Variants in SATB2 observed in about 807,000 individuals in gnomAD.
SATB2 encodes SATB homeobox 2.
In SATB2, 1 loss-of-function variant was observed where a neutral mutation model predicts 73.4. That is an observed-to-expected ratio of 0.01 (90% CI 0.00 to 0.06). The LOEUF is 0.06. SATB2 is among the 10% of genes least tolerant of loss of function. The pLI is 1.00. For missense variants in SATB2, 459 were observed against 945.8 expected (o/e 0.49, Z 6.75); for synonymous variants, 397 against 367.0 (o/e 1.08, Z -0.93).
intron 2 of SATB2, among the ~76,000 whole-genome samples, chr2:199,454,393 T>C (rs1692214633): frequency 6.6e-6 from 1 of 152,146 alleles, no homozygotes; most frequent in Non-Finnish European, 1.5e-5. Flanking sequence ...TATCTCATAA[T>C]TGGTACCATC....
upstream of SATB2, chr2:199,468,281 T>G (rs1692631345): frequency 6.6e-6 from 1 of 151,662 alleles, no homozygotes; most frequent in African/African-American, 2.4e-5. Flanking sequence ...CTGGGGTGGG[T>G]GGGTCCAGTA....
intron 10 of SATB2, among the ~76,000 whole-genome samples, chr2:199,276,825 T>C (rs1048712125): frequency 5.3e-5 from 8 of 152,144 alleles, no homozygotes; most frequent in African/African-American, 1.9e-4. Context: ...ACTAACGCCA[T>C]GCATACAAAC....
intron 2 of SATB2, among the ~76,000 whole-genome samples, chr2:199,451,139 T>C (rs1002342683): frequency 6.7e-6 from 1 of 148,400 alleles, no homozygotes; most frequent in Non-Finnish European, 1.5e-5. Flanking sequence ...CACACTGCAC[T>C]ACAGATGATC....
Position 199,423,376 on chromosome 2 carries a change from GCCTCCAGGTGTGCTCTTTT to G in SATB2, c.346+9943_346+9961del, listed in dbSNP as rs1398334838. Among the ~76,000 whole-genome samples, 25 of 152,172 alleles carry G rather than the reference GCCTCCAGGTGTGCTCTTTT, an allele frequency of 1.6e-4. 1 individual carries two copies. In the South Asian group the frequency reaches 5.0e-3, roughly 30 times the overall value. ...TAAAATATGATGCTAGAGAACCACAGCCTCCAGGTGTGCTCTTTTAAAGTTTCTTAGCTTTCCTTTCTGC... is the reference window on the plus strand; with the variant it reads ...TAAAATATGATGCTAGAGAACCACAGAAAGTTTCTTAGCTTTCCTTTCTGC... On this transcript the variant is annotated intron_variant, in intron 3 of 10. Coordinates refer to ENST00000417098, the MANE Select transcript of SATB2 (RefSeq NM_001172509.2).
chr2:199,311,143 C>T (rs1234912349), intron 9 of SATB2, among the ~76,000 whole-genome samples: 1 of 152,090 alleles, frequency 6.6e-6, no homozygotes, highest in Non-Finnish European at 1.5e-5. Flanking sequence ...CATAAGCAAA[C>T]CAAATTAATT....
At chr2:199,332,511 A>C (rs575462074) in intron 7 of SATB2, among the ~76,000 whole-genome samples, 12 of 152,288 alleles carry the variant, frequency 7.9e-5, no homozygotes, top group Non-Finnish European at 1.8e-4. Flanking sequence ...AATGAGCAAT[A>C]ACTTATTATA....
intron 7 of SATB2, among the ~76,000 whole-genome samples, chr2:199,330,342 C>T (rs1308332395): frequency 2.0e-5 from 3 of 152,186 alleles, no homozygotes; most frequent in Admixed American, 6.6e-5. Flanking sequence ...AATTTTACTA[C>T]AAGAAACTTA....
rs1294373591 is a variant in SATB2, at chr2:199,271,532, T to C, written c.*679A>G. ...AATACATACCTCAAAAATTACCCAT[T>C]AAGCTGCCAGATAGGAAGCCATAGA... is the stretch of plus-strand genomic sequence containing the variant. On this transcript the variant is annotated 3_prime_UTR_variant, in exon 11 of 11. Transcript: ENST00000417098. 6.6e-6 allele frequency: 1 copy of C among 150,442 alleles called. No homozygotes were observed. The highest frequency in any genetic ancestry group is 6.7e-5 in the Admixed American group (1 of 14,928). 9.3% of individuals were successfully genotyped at this position (150,442 alleles called of 1,614,324 possible).
At chr2:199,398,596 G>C (rs1215232632) in intron 3 of SATB2, among the ~76,000 whole-genome samples, 1 of 152,082 alleles carries the variant, frequency 6.6e-6, no homozygotes, top group Non-Finnish European at 1.5e-5. Flanking sequence ...AGTGCCTCTC[G>C]ATCTCCTTAT....
rs199939209 is a variant in SATB2, at chr2:199,355,340, GTGTGTATCTATATA to G, written c.701-6181_701-6168del. Among the ~76,000 whole-genome samples the G allele has an allele frequency of 2.2e-4, 3 of 13,864 alleles. No individual in the cohort carries two copies. In the Non-Finnish European group the frequency reaches 3.4e-3, roughly 16 times the overall value. The allele number at this position is 13,864 out of a possible 152,430, so 9.1% of individuals were successfully genotyped here. On this transcript the variant is annotated intron_variant, in intron 6 of 10. Coordinates refer to ENST00000417098, the MANE Select transcript of SATB2 (RefSeq NM_001172509.2). The stretch of plus-strand genomic sequence containing the variant: ...TACATATGTATGTGTGTGTGTGTGT[GTGTGTATCTATATA>G]TATATATATATATATATATATAGTC...
At chr2:199,420,755 T>C (rs1691140455) in intron 3 of SATB2, among the ~76,000 whole-genome samples, 1 of 152,260 alleles carries the variant, frequency 6.6e-6, no homozygotes, top group Admixed American at 6.5e-5. Flanking sequence ...CATTTTAATA[T>C]CTAGTGGGGG....
At chr2:199,400,398 A>G (rs1017091291) in intron 3 of SATB2, among the ~76,000 whole-genome samples, 1 of 152,176 alleles carries the variant, frequency 6.6e-6, no homozygotes, top group Non-Finnish European at 1.5e-5. Context: ...TGTTATTTTT[A>G]TTAGCCATGT....
chr2:199,406,901 A>T (rs1170386811), intron 3 of SATB2, among the ~76,000 whole-genome samples: 2 of 152,226 alleles, frequency 1.3e-5, no homozygotes, highest in African/African-American at 4.8e-5. Flanking sequence ...CATCATCATG[A>T]GAAATAATAG....
chr2:199,438,488 T>C (rs917731522), intron 2 of SATB2, among the ~76,000 whole-genome samples: 1 of 152,208 alleles, frequency 6.6e-6, no homozygotes, highest in Non-Finnish European at 1.5e-5. Context: ...AGGCTGCTGT[T>C]TTATTACTAA....
At chr2:199,372,503 C>T (rs1350776645) in intron 5 of SATB2, among the ~76,000 whole-genome samples, 5 of 152,104 alleles carry the variant, frequency 3.3e-5, no homozygotes, top group Non-Finnish European at 7.4e-5. Context: ...GAATAGATGT[C>T]ACATATGATT....
chr2:199,468,106 C>T (rs994235968), upstream of SATB2: 1 of 149,902 alleles, frequency 6.7e-6, no homozygotes, highest in Non-Finnish European at 1.5e-5. Context: ...GCACTTGAAA[C>T]ATTCTGAGTG....
At chr2:199,372,224 T>C (rs1217542199) in intron 5 of SATB2, among the ~76,000 whole-genome samples, 1 of 152,210 alleles carries the variant, frequency 6.6e-6, no homozygotes, top group African/African-American at 2.4e-5. Context: ...TTATTTGTAG[T>C]CAATTTGACA....
chr2:199,404,089 T>C (rs1030934391), intron 3 of SATB2, among the ~76,000 whole-genome samples: 1 of 152,208 alleles, frequency 6.6e-6, no homozygotes, highest in Non-Finnish European at 1.5e-5. Context: ...CTAAACGCTG[T>C]ACGGAGGAAC....
Position 199,386,726 on chromosome 2 carries a change from A to G in SATB2, c.347-4906T>C, listed in dbSNP as rs1032281420. Among the ~76,000 whole-genome samples the G allele has an allele frequency of 8.3e-4, 12 of 14,384 alleles. 1 individual carries two copies. Among genetic ancestry groups the G allele is most frequent in the East Asian group, 2.7e-3 (1 of 364 alleles). The allele number at this position is 14,384 out of a possible 152,430, so 9.4% of individuals were successfully genotyped here. On this transcript the variant is annotated intron_variant, in intron 3 of 10. Coordinates refer to ENST00000417098, the MANE Select transcript of SATB2 (RefSeq NM_001172509.2). ...CGCGCGCGCGCGCGCGCACACACACACACACACACACACACACACACACAC... is the reference window on the plus strand; with the variant it reads ...CGCGCGCGCGCGCGCGCACACACACGCACACACACACACACACACACACAC...
Sources: gnomAD v4.1 joint callset for allele counts (sites outside exome capture counted in the v4.1 genomes callset) on GRCh38, gnomAD v4.1.1 for gene constraint, MANE v1.5 for transcripts, NCBI Gene and HGNC (gene_info 2026-07-23, HGNC 2026-07-21) for gene names.